MUCL3: variants seen among roughly 807,000 people sequenced by gnomAD.
MUCL3 encodes the protein mucin-like protein 3.
In MUCL3, 42 loss-of-function variants were observed where a neutral mutation model predicts 70.2. That is an observed-to-expected ratio of 0.60 (90% confidence interval 0.47 to 0.77). The LOEUF (loss-of-function observed/expected upper bound fraction) is 0.77. Among genes scored for constraint, MUCL3 ranks in the 30% least tolerant of loss-of-function variants. The probability of loss-of-function intolerance (pLI) is 0.00; values close to 1 mark genes in which losing one functional copy is unlikely to be tolerated. For missense variants in MUCL3, 1,429 were observed against 1,670.0 expected (o/e 0.86, Z 2.52); for synonymous variants, 522 against 647.0 (o/e 0.81, Z 2.93).
At chr6:30,947,921 T>C (rs1398624639) in intron 1 of MUCL3, among the ~76,000 whole-genome samples, 2 of 152,186 alleles carry the variant, frequency 1.3e-5, no homozygotes, top group African/African-American at 4.8e-5. Flanking sequence ...GTCTACCTGC[T>C]AATCCCTATG....
intron 1 of MUCL3, among the ~76,000 whole-genome samples, chr6:30,942,883 G>C (rs1186559840): frequency 1.3e-5 from 2 of 152,194 alleles, no homozygotes; most frequent in Non-Finnish European, 2.9e-5. Context: ...GTCTCGGAGA[G>C]GAGATAGGCG....
At chr6:30,952,828 G>A in intron 2 of MUCL3, 143 bp from the exon 3 acceptor site, 1 of 1,154,598 alleles carries the variant, frequency 8.7e-7, no homozygotes, top group Non-Finnish European at 1.2e-6. Context: ...AGATGGAGCT[G>A]GGACTCATTG....
Position 30,951,389 on chromosome 6 carries a change from A to C in MUCL3, c.2925A>C (p.Pro975=). The C allele has an allele frequency of 6.5e-7, 1 of 1,545,746 alleles. No individual in the cohort carries two copies. Among genetic ancestry groups the C allele is most frequent in the Non-Finnish European group, 8.7e-7 (1 of 1,143,878 alleles). ...CGACAGTCAATGAGGACACCACACC[A>C]TCCTCAGCAGAGCCTACAGAAAATG... ...GETTVNEDTT[P]SSAEPTENGE... Residue 975 remains proline (P), a synonymous_variant, in exon 2 of 3, where the codon CCA becomes CCC. Transcript: ENST00000462446.
intron 2 of MUCL3, 178 bp downstream of exon 2, chr6:30,952,677 G>A: frequency 1.2e-6 from 1 of 826,978 alleles, no homozygotes; most frequent in South Asian, 2.0e-5. Context: ...TAAATACACA[G>A]GAGGTAAAAA....
chr6:30,949,268 C>T lies in MUCL3; in HGVS notation c.804C>T (p.Asn268=). 1.3e-6 allele frequency: 2 copies of T among 1,550,478 alleles called. No homozygotes were observed. Among genetic ancestry groups the T allele is most frequent in the South Asian group, 2.4e-5 (2 of 83,764 alleles). ...SDKLLTKTTK[N]IQETISANEL... is the part of the protein sequence containing the mutation. ...AGCTCCTGACAAAAACTACAAAAAACATACAAGAGACCATATCAGCCAATG... is the reference window on the plus strand; with the variant it reads ...AGCTCCTGACAAAAACTACAAAAAATATACAAGAGACCATATCAGCCAATG... The change falls in exon 2 of 3, where the codon AAC becomes AAT. Residue 268 remains asparagine, a synonymous_variant. Transcript: ENST00000462446.
chr6:30,950,951 A>T lies in MUCL3; in HGVS notation c.2487A>T (p.Thr829=). 1 of 1,547,596 alleles carries T rather than the reference A, an allele frequency of 6.5e-7. No homozygotes were observed. The highest frequency in any genetic ancestry group is 2.0e-5 in the Admixed American group (1 of 50,580). ...AGCCTACAGAAAATAGAGAAAGGAC[A>T]GCCAATGAGAAGACCACACAATTCC... ...PAEPTENRER[T]ANEKTTQFPA... The change falls in exon 2 of 3, where the codon ACA becomes ACT. Residue 829 remains threonine, a synonymous_variant. Transcript: ENST00000462446.
In MUCL3 at chr6:30,953,497, G is replaced by A; in HGVS notation, c.*380G>A. 4.1e-6 allele frequency: 1 copy of A among 242,032 alleles called. No homozygotes were observed. Among genetic ancestry groups the A allele is most frequent in the Non-Finnish European group, 8.0e-6 (1 of 124,778 alleles). 15.0% of individuals were successfully genotyped at this position (242,032 alleles called of 1,614,324 possible). ...ACTGACTTGTGAGTGGGGTTTATGG[G>A]GAAAGGGAGGGACTGAGGGCAGAGT... is the stretch of plus-strand genomic sequence containing the variant. On this transcript the variant is annotated 3_prime_UTR_variant, in exon 3 of 3. Transcript: ENST00000462446.
chr6:30,949,780 C>G lies in MUCL3; in HGVS notation c.1316C>G (p.Ala439Gly). The G allele has an allele frequency of 1.3e-6, 2 of 1,550,656 alleles. No homozygotes were observed. The highest frequency in any genetic ancestry group is 1.7e-6 in the Non-Finnish European group (2 of 1,146,714). The part of the protein sequence containing the change: ...LANENTTPSP[A>G]EPTENRERTA... ...AACGAGAACACCACACCATCCCCAGCAGAGCCTACAGAAAATAGAGAAAGG... is the reference window on the plus strand; with the variant it reads ...AACGAGAACACCACACCATCCCCAGGAGAGCCTACAGAAAATAGAGAAAGG... Residue 439 changes from alanine (A) to glycine (G), a missense_variant, in exon 2 of 3, where the codon GCA (alanine) becomes GGA (glycine). Coordinates refer to ENST00000462446, the MANE Select transcript of MUCL3 (RefSeq NM_080870.4).
At position 30,953,475 on chromosome 6, in the gene MUCL3, G is replaced by A. The variant is rs1760817504; in HGVS notation, c.*358G>A. ...AGCCTTATAGGCAATGCCCCAGACT[G>A]ACTTGTGAGTGGGGTTTATGGGGAA... On this transcript the variant is annotated 3_prime_UTR_variant, in exon 3 of 3. Coordinates refer to ENST00000462446, the MANE Select transcript of MUCL3 (RefSeq NM_080870.4). The A allele has an allele frequency of 3.6e-6, 1 of 274,508 alleles. No homozygotes were observed. Among genetic ancestry groups the A allele is most frequent in the African/African-American group, 2.2e-5 (1 of 46,440 alleles). The allele number at this position is 274,508 out of a possible 1,614,324, so 17.0% of individuals were successfully genotyped here.
intron 1 of MUCL3, among the ~76,000 whole-genome samples, chr6:30,947,697 C>A (rs1164206539): frequency 4.0e-5 from 6 of 150,700 alleles, no homozygotes. Flanking sequence ...TGTCAGGACC[C>A]CCAAGCAGAT....
At chr6:30,942,022 G>C (rs1795599801) in intron 1 of MUCL3, among the ~76,000 whole-genome samples, 1 of 152,124 alleles carries the variant, frequency 6.6e-6, no homozygotes, top group East Asian at 1.9e-4. Context: ...CTGTAAAATG[G>C]GCTGGATGCT....
At position 30,951,654 on chromosome 6, in the gene MUCL3, G is replaced by C. The variant is rs1173196496; in HGVS notation, c.3190G>C (p.Glu1064Gln). Residue 1064 changes from glutamate to glutamine, a missense_variant, in exon 2 of 3, where the codon GAA becomes CAA. Physicochemically the swap from Glu to Gln is conservative, Grantham distance 29. Transcript: ENST00000462446. Reference sequence around the variant, plus strand: ...CACACCATCCCCAGTAAAGCCTACAGAACATGGAGAAAAGACTACATTGGC... The same window carrying C: ...CACACCATCCCCAGTAAAGCCTACACAACATGGAGAAAAGACTACATTGGC... Reference protein sequence around the residue: ...NTTPSPVKPTEHGEKTTLANE... With the variant: ...NTTPSPVKPTQHGEKTTLANE... 6.4e-7 allele frequency: 1 copy of C among 1,552,070 alleles called. No homozygotes were observed. The highest frequency in any genetic ancestry group is 8.7e-7 in the Non-Finnish European group (1 of 1,147,050).
Position 30,952,491 on chromosome 6 carries a change from ATCT to A in MUCL3, c.4032_4034del (p.Phe1344del), listed in dbSNP as rs1760762890. The A allele has an allele frequency of 2.5e-6, 4 of 1,597,550 alleles. No individual in the cohort carries two copies. Among genetic ancestry groups the A allele is most frequent in the African/African-American group, 2.7e-5 (2 of 74,450 alleles). Reference sequence around the variant, plus strand: ...TCTCCTCCTGGTGTTCCTTGGCCTGATCTTCTTGGTAAGGGACAGATGTGCCCC... The same window carrying A: ...TCTCCTCCTGGTGTTCCTTGGCCTGATCTTGGTAAGGGACAGATGTGCCCC... On this transcript the variant is annotated inframe_deletion, in exon 2 of 3. Coordinates refer to ENST00000462446, the MANE Select transcript of MUCL3 (RefSeq NM_080870.4).
Position 30,950,816 on chromosome 6 carries a change from A to G in MUCL3, c.2352A>G (p.Gly784=). 6.4e-7 allele frequency: 1 copy of G among 1,551,118 alleles called. No homozygotes were observed. Among genetic ancestry groups the G allele is most frequent in the Non-Finnish European group, 8.7e-7 (1 of 1,146,928 alleles). The change falls in exon 2 of 3, where the codon GGA becomes GGG. Residue 784 remains glycine, a synonymous_variant. Coordinates refer to ENST00000462446, the MANE Select transcript of MUCL3 (RefSeq NM_080870.4). Reference sequence around the variant, plus strand: ...CTCTAGCAGAGCCTACAGAAAATGGAAAAAGGACCCCATTTGCCAATGAGA... The same window carrying G: ...CTCTAGCAGAGCCTACAGAAAATGGGAAAAGGACCCCATTTGCCAATGAGA... The part of the protein sequence containing the change: ...TPSLAEPTEN[G]KRTPFANEKT...
chr6:30,946,478 T>C (rs1283896138), intron 1 of MUCL3: 1 of 152,244 alleles, frequency 6.6e-6, no homozygotes, highest in Admixed American at 6.5e-5. Context: ...ATTCACTCAA[T>C]AGATAGTCAT....
Position 30,951,608 on chromosome 6 carries a change from C to T in MUCL3, c.3144C>T (p.Thr1048=). ...PAKPTEHEEM[T]PSANENTTPS... is the part of the protein sequence containing the mutation. Reference sequence around the variant, plus strand: ...AGCCTACAGAACACGAAGAAATGACCCCATCGGCCAATGAGAACACCACAC... The same window carrying T: ...AGCCTACAGAACACGAAGAAATGACTCCATCGGCCAATGAGAACACCACAC... Residue 1048 remains threonine (T), a synonymous_variant, in exon 2 of 3, where the codon ACC becomes ACT. Transcript: ENST00000462446. 6.5e-7 allele frequency: 1 copy of T among 1,540,288 alleles called. No individual in the cohort carries two copies. Among genetic ancestry groups the T allele is most frequent in the Non-Finnish European group, 8.8e-7 (1 of 1,138,424 alleles).
rs1402139802 is a variant in MUCL3 at position 30,951,733 on chromosome 6, C to G, written c.3269C>G (p.Thr1090Ser). 2 of 1,551,948 alleles carry G rather than the reference C, an allele frequency of 1.3e-6. No individual in the cohort carries two copies. ...PEGPTEHGAK[T>S]TSANEKITPS... Reference sequence around the variant, plus strand: ...GGGCCTACAGAACATGGAGCAAAAACTACGTCGGCCAATGAGAAGATCACA... The same window carrying G: ...GGGCCTACAGAACATGGAGCAAAAAGTACGTCGGCCAATGAGAAGATCACA... The change falls in exon 2 of 3, where the codon ACT becomes AGT. Residue 1090 changes from threonine (T) to serine (S), a missense_variant. Coordinates refer to ENST00000462446, the MANE Select transcript of MUCL3 (RefSeq NM_080870.4).
chr6:30,943,863 T>C (rs942769056), intron 1 of MUCL3, among the ~76,000 whole-genome samples: 4 of 152,158 alleles, frequency 2.6e-5, no homozygotes, highest in Admixed American at 1.3e-4. Flanking sequence ...CTTTCCTTTT[T>C]TTTTTTTGTA....
rs538616347 is a variant in MUCL3, at chr6:30,948,983, A to C, written c.519A>C (p.Thr173=). ...AAATAAACTGTCGTAAGTCCACAAC[A>C]GGCAAATCAACGGTAACAAGAAAAT... The part of the protein sequence containing the change: ...KSKINCRKST[T]GKSTVTRKSD... The change falls in exon 2 of 3, where the codon ACA becomes ACC. Residue 173 remains threonine, a synonymous_variant. Transcript: ENST00000462446. The C allele has an allele frequency of 9.0e-5, 139 of 1,551,604 alleles. No homozygotes were observed. The highest frequency in any genetic ancestry group is 1.1e-4 in the Non-Finnish European group (129 of 1,147,006).
Sources: gnomAD v4.1 joint callset for allele counts (sites outside exome capture counted in the v4.1 genomes callset) on GRCh38, gnomAD v4.1.1 for gene constraint, MANE v1.5 for transcripts, NCBI Gene and HGNC (gene_info 2026-07-23, HGNC 2026-07-21) for gene names.